RIGI: variants seen among roughly 807,000 people sequenced by gnomAD.
RIGI encodes antiviral innate immune response receptor RIG-I.
the RIGI span, among the ~76,000 whole-genome samples, chr9:32,483,248 A>G: frequency 1.3e-5 from 2 of 152,112 alleles, no homozygotes; most frequent in Non-Finnish European, 2.9e-5. Flanking sequence ...TCACTCATTC[A>G]TTTTCAATAA....
the RIGI span, among the ~76,000 whole-genome samples, chr9:32,469,444 T>C: frequency 4.6e-5 from 7 of 152,246 alleles, 1 homozygote; most frequent in South Asian, 1.5e-3. Context: ...TGTGGGGCAG[T>C]CATGAATGGA....
At chr9:32,491,219 G>C in the RIGI span, 1 of 1,499,674 alleles carries the variant, frequency 6.7e-7, no homozygotes, top group African/African-American at 1.4e-5. Context: ...ACAAGGCTGT[G>C]ACTTTGGGTA....
chr9:32,474,283 C>T, the RIGI span, among the ~76,000 whole-genome samples: 1 of 142,724 alleles, frequency 7.0e-6, no homozygotes, highest in African/African-American at 2.6e-5. Context: ...ATAAGTCTAA[C>T]AAAATATGTG....
At chr9:32,476,368 A>C in the RIGI span, among the ~76,000 whole-genome samples, 10 of 152,094 alleles carry the variant, frequency 6.6e-5, no homozygotes, top group Non-Finnish European at 1.3e-4. Flanking sequence ...GCATGGTGGC[A>C]GATGACTGTA....
the RIGI span, among the ~76,000 whole-genome samples, chr9:32,471,356 T>C: frequency 6.6e-6 from 1 of 152,238 alleles, no homozygotes; most frequent in Non-Finnish European, 1.5e-5. Flanking sequence ...CTTTTCACCA[T>C]CATCATCTAC....
chr9:32,485,553 T>TTTTTTTC, the RIGI span: 1 of 470,938 alleles, frequency 2.1e-6, no homozygotes, highest in Non-Finnish European at 4.0e-6. Flanking sequence ...TTTTTTTTTT[T>TTTTTTTC]TGATTGAGAC....
chr9:32,469,713 A>G, the RIGI span, among the ~76,000 whole-genome samples: 18 of 152,314 alleles, frequency 1.2e-4, no homozygotes, highest in Admixed American at 2.6e-4. Flanking sequence ...CTAAATTTAA[A>G]TTGTCTGAAT....
chr9:32,457,881 T>C, the RIGI span, among the ~76,000 whole-genome samples: 3 of 152,140 alleles, frequency 2.0e-5, no homozygotes, highest in Non-Finnish European at 1.5e-5. Context: ...GAGTCAACTT[T>C]AGAGTAAACA....
At chr9:32,474,218 A>G in the RIGI span, among the ~76,000 whole-genome samples, 2 of 151,614 alleles carry the variant, frequency 1.3e-5, no homozygotes, top group African/African-American at 4.8e-5. Context: ...AAAAAAAAAA[A>G]AAAAAAGGTT....
chr9:32,466,658 C>G, the RIGI span, among the ~76,000 whole-genome samples: 1 of 129,794 alleles, frequency 7.7e-6, no homozygotes, highest in East Asian at 2.6e-4. Flanking sequence ...CACCACTGCA[C>G]TCTAGCCTGG....
At chr9:32,497,151 C>T in the RIGI span, among the ~76,000 whole-genome samples, 4 of 152,148 alleles carry the variant, frequency 2.6e-5, no homozygotes, top group East Asian at 7.7e-4. Flanking sequence ...GTATAGGCAA[C>T]TTAAGTCTTT....
chr9:32,501,063 G>A, the RIGI span: 1 of 1,233,180 alleles, frequency 8.1e-7, no homozygotes, highest in Non-Finnish European at 1.1e-6. Flanking sequence ...CACAGCATTG[G>A]AAGAATCTTT....
the RIGI span, among the ~76,000 whole-genome samples, chr9:32,496,187 CT>C: frequency 6.6e-6 from 1 of 152,136 alleles, no homozygotes; most frequent in South Asian, 2.1e-4. Context: ...AGTTTTTCCC[CT>C]ATGCTTTCTT....
chr9:32,504,011 C>T, the RIGI span, among the ~76,000 whole-genome samples: 1 of 134,964 alleles, frequency 7.4e-6, no homozygotes, highest in Non-Finnish European at 1.6e-5. Flanking sequence ...CACTCCACTC[C>T]AGCCTGGGTA....
the RIGI span, chr9:32,480,077 C>T: frequency 1.2e-6 from 1 of 812,730 alleles, no homozygotes; most frequent in Non-Finnish European, 1.9e-6. Context: ...CTAAATAGTC[C>T]TACCATCTCC....
chr9:32,483,963 G>A, the RIGI span, among the ~76,000 whole-genome samples: 3 of 152,074 alleles, frequency 2.0e-5, no homozygotes, highest in African/African-American at 7.2e-5. Context: ...GAAATGCCCT[G>A]AGGCCAGGGG....
At chr9:32,456,916 A>G in the RIGI span, 234 of 535,946 alleles carry the variant, frequency 4.4e-4, 6 homozygotes, top group South Asian at 5.6e-3. Flanking sequence ...CCCAAGTACT[A>G]TGAGCTCTGT....
chr9:32,509,872 C>A, the RIGI span, among the ~76,000 whole-genome samples: 3 of 151,620 alleles, frequency 2.0e-5, no homozygotes, highest in Non-Finnish European at 4.4e-5. Flanking sequence ...ACTAGAATAA[C>A]CAGTTTAGAG....
chr9:32,477,098 T>A, the RIGI span: 1 of 1,614,072 alleles, frequency 6.2e-7, no homozygotes, highest in Non-Finnish European at 8.5e-7. Context: ...ATTGCTGGGA[T>A]CCCTGGAAAC....
Sources: gnomAD v4.1 joint callset for allele counts (sites outside exome capture counted in the v4.1 genomes callset) on GRCh38, gnomAD v4.1.1 for gene constraint, MANE v1.5 for transcripts, NCBI Gene and HGNC (gene_info 2026-07-23, HGNC 2026-07-21) for gene names.